Variants in SYN3 observed in about 807,000 individuals in gnomAD.
The protein encoded by SYN3 is synapsin-3.
SYN3 carries 35 observed loss-of-function variants against 65.8 expected under a neutral mutation model. The observed-to-expected ratio is 0.53, with a 90% confidence interval of 0.41 to 0.70. SYN3 has a LOEUF of 0.70. Ranked by LOEUF, SYN3 falls within the 30% of genes least tolerant of loss-of-function variation. The pLI, the probability that SYN3 is intolerant of heterozygous loss-of-function variation, is 0.00. For missense variants in SYN3, 680 were observed against 749.0 expected (o/e 0.91, Z 1.08); for synonymous variants, 270 against 292.9 (o/e 0.92, Z 0.80).
chr22:33,007,959 C>G (rs376295432), intron 1 of SYN3, among the ~76,000 whole-genome samples: 1 of 148,126 alleles, frequency 6.8e-6, no homozygotes, highest in African/African-American at 2.5e-5. Flanking sequence ...TTTTTTGAAA[C>G]GGGGTCTCAC....
At chr22:32,850,115 A>T (rs1318487212) in intron 6 of SYN3, among the ~76,000 whole-genome samples, 1 of 150,270 alleles carries the variant, frequency 6.7e-6, no homozygotes, top group African/African-American at 2.5e-5. Context: ...GATAGTTAGC[A>T]ATGTTTGCTA....
In SYN3 at chr22:32,511,830, A is replaced by G. The variant is rs2057694641; in HGVS notation, c.*1862T>C. Among the ~76,000 whole-genome samples the G allele has an allele frequency of 6.6e-6, 1 of 152,222 alleles. No individual in the cohort carries two copies. The highest frequency in any genetic ancestry group is 1.5e-5 in the Non-Finnish European group (1 of 68,042). ...ACTTATTATTGAATCCCAGACCAAG[A>G]GTCTTGAACAGGAGGAGAGAGAGGA... is the stretch of plus-strand genomic sequence containing the variant. On this transcript the variant is annotated 3_prime_UTR_variant, in exon 14 of 14. Transcript: ENST00000358763.
intron 6 of SYN3, among the ~76,000 whole-genome samples, chr22:32,645,222 A>C (rs5749476): frequency 0.36 from 55,078 of 152,018 alleles, 11,491 homozygotes; most frequent in East Asian, 0.89. Flanking sequence ...AGGGCCGAGG[A>C]GGGCAGATCA....
intron 6 of SYN3, among the ~76,000 whole-genome samples, chr22:32,822,030 C>G (rs918050753): frequency 4.6e-5 from 7 of 151,986 alleles, no homozygotes; most frequent in Non-Finnish European, 8.8e-5. Flanking sequence ...TGGCGCATGC[C>G]TGTAATCCCA....
chr22:33,001,301 CTG>C (rs1459945442), intron 2 of SYN3, among the ~76,000 whole-genome samples: 1 of 152,190 alleles, frequency 6.6e-6, no homozygotes, highest in African/African-American at 2.4e-5. Flanking sequence ...AATTCACACA[CTG>C]GTCCTTCCTG....
At position 32,627,300 on chromosome 22, in the gene SYN3, T is replaced by C. The variant is rs567260458; in HGVS notation, c.712-30564A>G. ...GTTTTCAAGGAGGGGCCAGAGTCCA[T>C]GGGGAGGAAAGAAACAAAACCAGGA... On this transcript the variant is annotated intron_variant, in intron 6 of 13. Transcript: ENST00000358763. 2.6e-5 allele frequency among the ~76,000 whole-genome samples: 4 copies of C among 152,184 alleles called. No homozygotes were observed. In the East Asian group the frequency reaches 7.7e-4, roughly 29 times the overall value.
chr22:32,831,527 C>G (rs1031718279), intron 6 of SYN3, among the ~76,000 whole-genome samples: 1 of 152,160 alleles, frequency 6.6e-6, no homozygotes, highest in African/African-American at 2.4e-5. Flanking sequence ...GGCAGTAAAG[C>G]CTGGTCCCCA....
chr22:32,641,781 A>G (rs2059904710), intron 6 of SYN3, among the ~76,000 whole-genome samples: 1 of 152,086 alleles, frequency 6.6e-6, no homozygotes, highest in South Asian at 2.1e-4. Context: ...ACTTAATACT[A>G]CACTTAAAGT....
intron 4 of SYN3, among the ~76,000 whole-genome samples, chr22:32,872,976 C>T (rs1048943857): frequency 2.2e-5 from 3 of 136,342 alleles, no homozygotes; most frequent in Non-Finnish European, 4.6e-5. Flanking sequence ...GAGTCTGGCT[C>T]TATTGTCCAT....
At chr22:32,863,080 G>A (rs745327203) in intron 6 of SYN3, 9 of 152,500 alleles carry the variant, frequency 5.9e-5, no homozygotes, top group Non-Finnish European at 8.8e-5. Context: ...CTGACGCCAC[G>A]GGGAGTTATG....
chr22:32,764,135 G>A (rs554397254), intron 6 of SYN3, among the ~76,000 whole-genome samples: 1 of 152,068 alleles, frequency 6.6e-6, no homozygotes, highest in Non-Finnish European at 1.5e-5. Flanking sequence ...TAGAGACGGG[G>A]TTTCTCCAGG....
intron 12 of SYN3, among the ~76,000 whole-genome samples, chr22:32,524,554 G>T (rs1159381373): frequency 6.6e-6 from 1 of 152,144 alleles, no homozygotes; most frequent in Non-Finnish European, 1.5e-5. Context: ...TCAGAAAAAA[G>T]ATTCTTTTCA....
intron 6 of SYN3, among the ~76,000 whole-genome samples, chr22:32,757,965 G>A (rs957592327): frequency 6.6e-6 from 1 of 152,234 alleles, no homozygotes; most frequent in Non-Finnish European, 1.5e-5. Context: ...CTATGACCAT[G>A]TGACCAGCTG....
At chr22:32,668,896 G>A (rs1234600092) in intron 6 of SYN3, among the ~76,000 whole-genome samples, 1 of 152,162 alleles carries the variant, frequency 6.6e-6, no homozygotes, top group Non-Finnish European at 1.5e-5. Flanking sequence ...GGTGCCCTGT[G>A]TTCTAGGAGC....
chr22:32,632,149 T>C (rs993559566), intron 6 of SYN3, among the ~76,000 whole-genome samples: 2 of 152,252 alleles, frequency 1.3e-5, no homozygotes, highest in African/African-American at 2.4e-5. Flanking sequence ...TGAGTGGGCC[T>C]GCGCCCATAT....
chr22:32,669,221 GCT>G (rs2060329581), intron 6 of SYN3, among the ~76,000 whole-genome samples: 1 of 152,152 alleles, frequency 6.6e-6, no homozygotes, highest in Non-Finnish European at 1.5e-5. Context: ...TATGCTGAAT[GCT>G]CTGATATCCT....
intron 6 of SYN3, chr22:32,857,228 T>A: frequency 6.3e-7 from 1 of 1,583,154 alleles, no homozygotes; most frequent in Non-Finnish European, 8.7e-7. Flanking sequence ...GAAGAAGTCA[T>A]GATGTTCCTT....
intron 6 of SYN3, among the ~76,000 whole-genome samples, chr22:32,664,584 CTTTTTTTTTTTTT>C (rs71320943): frequency 8.7e-5 from 6 of 69,052 alleles, no homozygotes; most frequent in Admixed American, 3.2e-4. Flanking sequence ...CAATTGGTCG[CTTTTTTTTTTTTT>C]TTTTTTTTTT....
rs371025631 is a variant in SYN3 at position 32,803,175 on chromosome 22, G to A, written c.711+61740C>T. Among the ~76,000 whole-genome samples, 45 of 152,284 alleles carry A rather than the reference G, an allele frequency of 3.0e-4. No homozygotes were observed. The East Asian group carries it at 8.3e-3, about 28-fold the overall frequency. On this transcript the variant is annotated intron_variant, in intron 6 of 13. Coordinates refer to ENST00000358763, the MANE Select transcript of SYN3 (RefSeq NM_003490.4). ...GAGTGTGTGTGTGTGCACTGGGCTG[G>A]GCTGGGCGGTGGGGTGGGACAGCCT... is the stretch of plus-strand genomic sequence containing the variant.
Sources: allele counts gnomAD v4.1 joint callset (sites outside exome capture counted in the v4.1 genomes callset), GRCh38; gene constraint gnomAD v4.1.1; transcripts MANE v1.5; gene names NCBI Gene and HGNC (gene_info 2026-07-23, HGNC 2026-07-21).